The following SLC25A21 variants were observed in gnomAD, a reference collection of about 807,000 sequenced individuals.
SLC25A21 encodes the protein solute carrier family 25 member 21.
A neutral mutation model predicts 43.8 loss-of-function variants in SLC25A21; 47 were observed. The ratio of observed to expected loss-of-function variants is 1.07; its 90% CI spans 0.85 to 1.37. SLC25A21 has a LOEUF of 1.37. Among genes scored for constraint, SLC25A21 ranks in the 40% most tolerant of loss-of-function variants. The pLI, the probability that SLC25A21 is intolerant of heterozygous loss-of-function variation, is 0.00. For missense variants in SLC25A21, 352 were observed against 350.2 expected (o/e 1.00, Z -0.04); for synonymous variants, 131 against 121.3 (o/e 1.08, Z -0.52).
chr14:37,149,750 AT>A (rs1189474880), intron 1 of SLC25A21, among the ~76,000 whole-genome samples: 1 of 152,156 alleles, frequency 6.6e-6, no homozygotes, highest in East Asian at 1.9e-4. Flanking sequence ...TATTTCTTAT[AT>A]TTAGTACAGT....
Position 36,739,115 on chromosome 14 carries a change from A to G in SLC25A21, c.204-4542T>C, listed in dbSNP as rs535034380. Reference sequence around the variant, plus strand: ...AATAAAAGCTTTTGAAAAATTGTTTATGTTACAGCAATACCTTATCATTTC... The same window carrying G: ...AATAAAAGCTTTTGAAAAATTGTTTGTGTTACAGCAATACCTTATCATTTC... On this transcript the variant is annotated intron_variant, in intron 3 of 9. Transcript: ENST00000331299. Among the ~76,000 whole-genome samples the G allele has an allele frequency of 3.9e-5, 6 of 152,270 alleles. No individual in the cohort carries two copies. In the South Asian group the frequency reaches 1.2e-3, roughly 32 times the overall value.
At chr14:37,135,254 C>T (rs1963460261) in intron 1 of SLC25A21, among the ~76,000 whole-genome samples, 1 of 151,856 alleles carries the variant, frequency 6.6e-6, no homozygotes, top group Admixed American at 6.6e-5. Context: ...TTAAAATTAG[C>T]TGGGAATGGT....
At chr14:36,904,933 G>A (rs1891495315) in intron 1 of SLC25A21, among the ~76,000 whole-genome samples, 2 of 152,144 alleles carry the variant, frequency 1.3e-5, no homozygotes, top group African/African-American at 4.8e-5. Context: ...CAAATTATGA[G>A]GAGGCCACTG....
rs796458343 is a variant in SLC25A21 at position 37,015,689 on chromosome 14, C to T, written c.71-140685G>A. 4.0e-4 allele frequency among the ~76,000 whole-genome samples: 60 copies of T among 151,808 alleles called. 1 individual carries two copies. In the South Asian group the frequency reaches 0.012, roughly 31 times the overall value. The stretch of plus-strand genomic sequence containing the variant: ...TAAAAGTGTTCCTATTTCTCCACAT[C>T]CTCTCCAGCACCTGTTGTTTCCTGA... On this transcript the variant is annotated intron_variant, in intron 1 of 9. Coordinates refer to ENST00000331299, the MANE Select transcript of SLC25A21 (RefSeq NM_030631.4).
chr14:36,844,600 T>A (rs925240693), intron 2 of SLC25A21, among the ~76,000 whole-genome samples: 1 of 152,208 alleles, frequency 6.6e-6, no homozygotes, highest in African/African-American at 2.4e-5. Context: ...CAGACTCAGA[T>A]GGAAGCCTTA....
chr14:36,734,234 T>C (rs1884942092), intron 4 of SLC25A21, among the ~76,000 whole-genome samples: 1 of 152,202 alleles, frequency 6.6e-6, no homozygotes, highest in Admixed American at 6.5e-5. Flanking sequence ...AGCTATTTTG[T>C]GGTTTGATTA....
chr14:36,910,592 T>TA (rs1891661831), intron 1 of SLC25A21, among the ~76,000 whole-genome samples: 1 of 152,136 alleles, frequency 6.6e-6, no homozygotes, highest in Non-Finnish European at 1.5e-5. Context: ...TAGAAGTTGA[T>TA]GTGAAATGAA....
At chr14:37,153,584 G>A (rs1963796597) in intron 1 of SLC25A21, among the ~76,000 whole-genome samples, 1 of 152,186 alleles carries the variant, frequency 6.6e-6, no homozygotes, top group African/African-American at 2.4e-5. Flanking sequence ...CCAGGACTGG[G>A]GCTAGAAAGA....
At chr14:37,071,722 A>AGCAT (rs1297318366) in intron 1 of SLC25A21, among the ~76,000 whole-genome samples, 1 of 152,210 alleles carries the variant, frequency 6.6e-6, no homozygotes, top group East Asian at 1.9e-4. Flanking sequence ...TGTATGTATA[A>AGCAT]GCATGCTTTC....
At chr14:36,746,567 A>G (rs1475603489) in intron 3 of SLC25A21, among the ~76,000 whole-genome samples, 2 of 152,154 alleles carry the variant, frequency 1.3e-5, no homozygotes, top group Non-Finnish European at 2.9e-5. Context: ...TATCCATGTA[A>G]CCCAGTTGTG....
At chr14:36,937,370 G>A (rs1281275094) in intron 1 of SLC25A21, among the ~76,000 whole-genome samples, 1 of 152,198 alleles carries the variant, frequency 6.6e-6, no homozygotes. Context: ...AAAGCAAGGA[G>A]GAAAATAAAC....
In SLC25A21 at chr14:37,172,465, C is replaced by T. The variant is rs1213919820; in HGVS notation, c.-115G>A. ...GGGCTGGTCCTCAAGCGCGTTGGCT[C>T]CCTGTGGAGCAGCAATCCGGCGACT... is the stretch of plus-strand genomic sequence containing the variant. On this transcript the variant is annotated 5_prime_UTR_variant, in exon 1 of 10. Transcript: ENST00000331299. 7 of 1,058,324 alleles carry T rather than the reference C, an allele frequency of 6.6e-6. No homozygotes were observed. In the Admixed American group the frequency reaches 1.2e-4, roughly 18 times the overall value. The allele number at this position is 1,058,324 out of a possible 1,614,324, so 65.6% of individuals were successfully genotyped here.
intron 2 of SLC25A21, among the ~76,000 whole-genome samples, chr14:36,843,899 G>A: frequency 6.6e-6 from 1 of 152,276 alleles, no homozygotes; most frequent in African/African-American, 2.4e-5. Flanking sequence ...ATCTCTTCAT[G>A]TCAGAGAGAT....
chr14:36,948,105 GTTC>G (rs1370615546), intron 1 of SLC25A21, among the ~76,000 whole-genome samples: 2 of 152,094 alleles, frequency 1.3e-5, no homozygotes, highest in Non-Finnish European at 2.9e-5. Flanking sequence ...AGAAATCCTA[GTTC>G]TTAAGAATGC....
At chr14:37,000,637 G>A (rs1196917862) in intron 1 of SLC25A21, among the ~76,000 whole-genome samples, 1 of 152,134 alleles carries the variant, frequency 6.6e-6, no homozygotes, top group Non-Finnish European at 1.5e-5. Context: ...GTTTGGCTCT[G>A]TGTCCCACCC....
Position 36,749,663 on chromosome 14 carries a change from C to T in SLC25A21, c.204-15090G>A, listed in dbSNP as rs533105243. ...CTGGTCTGGGATCCCTCTCCAACCC[C>T]ACTGGCCTTCGTCGTGTTCCCTGGC... On this transcript the variant is annotated intron_variant, in intron 3 of 9. Transcript: ENST00000331299. Among the ~76,000 whole-genome samples, 14 of 152,286 alleles carry T rather than the reference C, an allele frequency of 9.2e-5. No homozygotes were observed. The East Asian group carries it at 2.3e-3, about 25-fold the overall frequency.
rs1370014578 is a variant in SLC25A21, at chr14:36,678,838, A to G, written c.*1820T>C. 2 of 980,996 alleles carry G rather than the reference A, an allele frequency of 2.0e-6. No homozygotes were observed. Among genetic ancestry groups the G allele is most frequent in the Non-Finnish European group, 2.4e-6 (2 of 819,344 alleles). The allele number at this position is 980,996 out of a possible 1,614,324, so 60.8% of individuals were successfully genotyped here. ...AGGTCTTAACAGTGAATTCACATGG[A>G]GTAATTTTTAAAAGATATCAGATAC... On this transcript the variant is annotated 3_prime_UTR_variant, in exon 10 of 10. Transcript: ENST00000331299.
chr14:36,950,816 T>C (rs1341251840), intron 1 of SLC25A21, among the ~76,000 whole-genome samples: 1 of 152,218 alleles, frequency 6.6e-6, no homozygotes, highest in Admixed American at 6.5e-5. Context: ...GACATTCTTA[T>C]TGCACGGGAA....
At chr14:37,042,503 G>T (rs1438204205) in intron 1 of SLC25A21, among the ~76,000 whole-genome samples, 1 of 152,108 alleles carries the variant, frequency 6.6e-6, no homozygotes, top group Non-Finnish European at 1.5e-5. Context: ...TGTAGTTTAA[G>T]ATCCAGGCAC....
Sources: gnomAD v4.1 joint callset for allele counts (sites outside exome capture counted in the v4.1 genomes callset) on GRCh38, gnomAD v4.1.1 for gene constraint, MANE v1.5 for transcripts, NCBI Gene and HGNC (gene_info 2026-07-23, HGNC 2026-07-21) for gene names.